Variants in KDM6B observed in about 807,000 individuals in gnomAD.
KDM6B encodes lysine demethylase 6B, also known as lysine-specific demethylase 6B.
In KDM6B, 22 loss-of-function variants were observed where a neutral mutation model predicts 150.4. The ratio of observed to expected loss-of-function variants is 0.15; its 90% confidence interval spans 0.10 to 0.21. The LOEUF is 0.21. Ranked by LOEUF, KDM6B falls within the 10% of genes least tolerant of loss-of-function variation. The pLI is 1.00. For missense variants in KDM6B, 1,984 were observed against 2,234.3 expected (o/e 0.89, Z 2.26); for synonymous variants, 1,148 against 921.1 (o/e 1.25, Z -4.46).
chr17:7,847,451 T>C lies in KDM6B; in HGVS notation c.1256T>C (p.Ile419Thr), dbSNP rs1263397675. ...CGGGGCGTGGAGCCGAACCCAGGCA[T>C]TGTGAGTGACAACTGAGGGTGGAGG... ...GLRGVEPNPG[I>T]PGADHYQTPA... The change falls in exon 11 of 24, where the codon ATT becomes ACT. Residue 419 changes from isoleucine (I) to threonine (T), a missense_variant and splice_region_variant. By Grantham distance (89) the Ile-to-Thr change is moderately conservative. This residue lies in a region of KDM6B where 1,379 missense variants were observed against 1,275.6 expected (regional missense o/e 1.08). Transcript: ENST00000448097. 2 of 1,613,602 alleles carry C rather than the reference T, an allele frequency of 1.2e-6. No individual in the cohort carries two copies. The highest frequency in any genetic ancestry group is 1.7e-6 in the Non-Finnish European group (2 of 1,179,944).
chr17:7,835,839 C>G (rs1179668559), intron 1 of KDM6B, among the ~76,000 whole-genome samples: 2 of 151,778 alleles, frequency 1.3e-5, no homozygotes, highest in African/African-American at 2.4e-5. Context: ...CTGTGTAAAG[C>G]CGCCTGAGGC....
At chr17:7,853,152 C>T (rs910479200) in intron 22 of KDM6B, 26 bp downstream of exon 22, 14 of 1,614,072 alleles carry the variant, frequency 8.7e-6, no homozygotes, top group Middle Eastern at 1.6e-4. Flanking sequence ...CTGCTGCTCT[C>T]CCTGAGTGTC....
In KDM6B at chr17:7,849,156, A is replaced by C. The variant is rs112114203; in HGVS notation, c.2868A>C (p.Ala956=). Residue 956 remains alanine, a synonymous_variant, in exon 12 of 24, where the codon GCA becomes GCC. Coordinates refer to ENST00000448097, the MANE Select transcript of KDM6B (RefSeq NM_001348716.2). ...DSGTERLLPP[A]QAKEEAGGVA... ...GGACTGAGCGACTGCTGCCCCCCGC[A>C]CAGGCCAAGGAGGAGGCTGGCGGGG... 6.2e-7 allele frequency: 1 copy of C among 1,611,538 alleles called. No homozygotes were observed. The highest frequency in any genetic ancestry group is 1.1e-5 in the South Asian group (1 of 90,880).
Position 7,849,334 on chromosome 17 carries a change from C to A in KDM6B, c.3046C>A (p.Arg1016=). 6.3e-7 allele frequency: 1 copy of A among 1,578,574 alleles called. No homozygotes were observed. The highest frequency in any genetic ancestry group is 2.4e-5 in the East Asian group (1 of 42,530). The change falls in exon 12 of 24, where the codon CGG becomes AGG. Residue 1016 remains arginine, a synonymous_variant. Coordinates refer to ENST00000448097, the MANE Select transcript of KDM6B (RefSeq NM_001348716.2). ...CAAGGTCCCCAAAGAAAAGAGCCGCCGGGTGCTGGGGAACCTGGACCTGCA... is the reference window on the plus strand; with the variant it reads ...CAAGGTCCCCAAAGAAAAGAGCCGCAGGGTGCTGGGGAACCTGGACCTGCA... ...KAKVPKEKSR[R]VLGNLDLQSE...
intron 12 of KDM6B, 46 bp downstream of exon 12, chr17:7,849,774 C>T (rs1027331284): frequency 1.2e-6 from 2 of 1,612,740 alleles, no homozygotes; most frequent in African/African-American, 1.3e-5. Context: ...GGCTCCCTTC[C>T]CCCATCACCC....
Position 7,851,468 on chromosome 17 carries a change from G to A in KDM6B, c.3945-10G>A. 1.2e-6 allele frequency: 2 copies of A among 1,614,120 alleles called. No individual in the cohort carries two copies. The highest frequency in any genetic ancestry group is 2.7e-5 in the African/African-American group (2 of 75,014). ...TGCTCTCCACCAACCTGTGCTCTTC[G>A]CCCCAGCAGCAGCGCACCAGACCCG... On this transcript the variant is annotated splice_polypyrimidine_tract_variant and intron_variant, in intron 16 of 23. Coordinates refer to ENST00000448097, the MANE Select transcript of KDM6B (RefSeq NM_001348716.2).
intron 1 of KDM6B, among the ~76,000 whole-genome samples, chr17:7,838,664 A>G: frequency 8.2e-6 from 1 of 121,800 alleles, no homozygotes; most frequent in Non-Finnish European, 1.7e-5. Flanking sequence ...AAGTCTGCCC[A>G]CTCTGCTCTC....
chr17:7,841,409 G>A (rs2078411755), intron 2 of KDM6B, among the ~76,000 whole-genome samples: 1 of 152,168 alleles, frequency 6.6e-6, no homozygotes, highest in Non-Finnish European at 1.5e-5. Context: ...GTGGGCCTGC[G>A]CCAGTGTCGC....
In KDM6B at chr17:7,853,511, C is replaced by G; in HGVS notation, c.4922C>G (p.Thr1641Arg). The change falls in exon 24 of 24, where the codon ACG becomes AGG. Residue 1641 changes from threonine (T) to arginine (R), a missense_variant. Coordinates refer to ENST00000448097, the MANE Select transcript of KDM6B (RefSeq NM_001348716.2). ...YDAFTLAPAS[T>R]SR ...TTCTCCCCCCAGGCCCCAGCCAGCACGTCGCGATGAGGCCGGACGCCCCGC... is the reference window on the plus strand; with the variant it reads ...TTCTCCCCCCAGGCCCCAGCCAGCAGGTCGCGATGAGGCCGGACGCCCCGC... 2 of 1,505,150 alleles carry G rather than the reference C, an allele frequency of 1.3e-6. No individual in the cohort carries two copies. Among genetic ancestry groups the G allele is most frequent in the Non-Finnish European group, 1.8e-6 (2 of 1,134,086 alleles). 93.2% of individuals were successfully genotyped at this position (1,505,150 alleles called of 1,614,324 possible).
At position 7,849,462 on chromosome 17, in the gene KDM6B, T is replaced by C. The variant is rs1396984008; in HGVS notation, c.3174T>C (p.Pro1058=). The change falls in exon 12 of 24, where the codon CCT becomes CCC. Residue 1058 remains proline, a synonymous_variant. Coordinates refer to ENST00000448097, the MANE Select transcript of KDM6B (RefSeq NM_001348716.2). ...CAGCCCCTCCATCAGCTCCTGCACCTTCTGCCCAGCCCACACCCCCGTCAG... is the reference window on the plus strand; with the variant it reads ...CAGCCCCTCCATCAGCTCCTGCACCCTCTGCCCAGCCCACACCCCCGTCAG... ...TAPAPPSAPA[P]SAQPTPPSAS... 1.9e-6 allele frequency: 3 copies of C among 1,612,564 alleles called. No homozygotes were observed. The highest frequency in any genetic ancestry group is 2.7e-5 in the African/African-American group (2 of 74,922).
At chr17:7,850,560 C>G (rs527346489) in intron 14 of KDM6B, among the ~76,000 whole-genome samples, 3 of 152,280 alleles carry the variant, frequency 2.0e-5, no homozygotes, top group South Asian at 2.1e-4. Context: ...TCCTTTATAC[C>G]TGTATGTTCT....
At chr17:7,846,371 G>GGGCCCGCGCCGGGGGCCCCCCCC in intron 7 of KDM6B, 29 bp from the exon 8 acceptor site, 1 of 1,488,926 alleles carries the variant, frequency 6.7e-7, no homozygotes, top group Non-Finnish European at 9.2e-7. Context: ...CCTGACATCT[G>GGGCCCGCGCCGGGGGCCCCCCCC]CCCCTGCCCC....
At position 7,845,361 on chromosome 17, in the gene KDM6B, T is replaced by C; in HGVS notation, c.-101T>C. ...GCAGCCATCTGGGGGTAGCGGGCAC[T>C]CTTATCAGAGCGGCTGGAGCCGGAC... On this transcript the variant is annotated 5_prime_UTR_variant, in exon 4 of 24. Coordinates refer to ENST00000448097, the MANE Select transcript of KDM6B (RefSeq NM_001348716.2). 2 of 710,146 alleles carry C rather than the reference T, an allele frequency of 2.8e-6. No individual in the cohort carries two copies. Among genetic ancestry groups the C allele is most frequent in the Admixed American group, 2.1e-5 (1 of 46,934 alleles). 44.0% of individuals were successfully genotyped at this position (710,146 alleles called of 1,614,324 possible). A position where few individuals can be genotyped will look rare whatever the true frequency, so the allele number is the denominator to read the frequency against.
rs1240276739 is a variant in KDM6B at position 7,846,842 on chromosome 17, A to G, written c.735A>G (p.Pro245=). ...AGACTGGCCTTCCCCCAGGGCTGCCACTGCCTCCACCACCATTACCACCAC... is the reference window on the plus strand; with the variant it reads ...AGACTGGCCTTCCCCCAGGGCTGCCGCTGCCTCCACCACCATTACCACCAC... ...SEQTGLPPGL[P]LPPPPLPPPP... The change falls in exon 10 of 24, where the codon CCA becomes CCG. Residue 245 remains proline, a synonymous_variant. Transcript: ENST00000448097. The G allele has an allele frequency of 1.9e-6, 3 of 1,607,958 alleles. No homozygotes were observed. The highest frequency in any genetic ancestry group is 2.7e-5 in the African/African-American group (2 of 73,524).
At chr17:7,838,850 C>G (rs2078373226) in intron 1 of KDM6B, among the ~76,000 whole-genome samples, 1 of 152,102 alleles carries the variant, frequency 6.6e-6, no homozygotes, top group Non-Finnish European at 1.5e-5. Context: ...CCACCTACAG[C>G]TGACCACTAC....
chr17:7,834,638 G>A (rs1369941470), intron 1 of KDM6B, among the ~76,000 whole-genome samples: 1 of 151,886 alleles, frequency 6.6e-6, no homozygotes, highest in African/African-American at 2.4e-5. Flanking sequence ...CCAGGGCGGG[G>A]CGGGGCGGGG....
chr17:7,846,371 G>GGGCC, intron 7 of KDM6B, 29 bp from the exon 8 acceptor site: 1 of 1,488,926 alleles, frequency 6.7e-7, no homozygotes, highest in Non-Finnish European at 9.2e-7. Context: ...CCTGACATCT[G>GGGCC]CCCCTGCCCC....
Position 7,848,034 on chromosome 17 carries a change from C to A in KDM6B, c.1746C>A (p.Asp582Glu), listed in dbSNP as rs1414188933. 29 of 1,611,000 alleles carry A rather than the reference C, an allele frequency of 1.8e-5. No homozygotes were observed. The highest frequency in any genetic ancestry group is 2.4e-5 in the Non-Finnish European group (28 of 1,178,752). The change falls in exon 12 of 24, where the codon GAC becomes GAA. Residue 582 changes from aspartate to glutamate, a missense_variant. Physicochemically the swap from Asp to Glu is conservative, Grantham distance 45 (BLOSUM62 2). Around this residue, in one of 13 missense-constraint regions of KDM6B, gnomAD observed 1,379 missense variants for 1,275.6 expected, o/e 1.08. Transcript: ENST00000448097. ...CACCCTATCTGGCCAGAAGTATAGA[C>A]CCCCTTCCCCGGCCTCCCAGCCCAG... ...PPPPYLARSI[D>E]PLPRPPSPAQ...
chr17:7,845,831 G>A (rs1029688182), intron 5 of KDM6B, 41 bp from the exon 6 acceptor site: 6 of 1,594,978 alleles, frequency 3.8e-6, no homozygotes, highest in Non-Finnish European at 4.3e-6. Context: ...GGACAAGACT[G>A]CTCCTTTTTG....
Sources: gnomAD v4.1 joint callset for allele counts (sites outside exome capture counted in the v4.1 genomes callset) on GRCh38, gnomAD v4.1.1 for gene constraint, gnomAD v4.1.1 regional missense constraint, MANE v1.5 for transcripts, NCBI Gene and HGNC (gene_info 2026-07-23, HGNC 2026-07-21) for gene names.